Variants in BLM observed in about 807,000 individuals in gnomAD.
BLM encodes BLM RecQ like helicase.
In BLM, 95 loss-of-function variants were observed where a neutral mutation model predicts 135.3. The observed-to-expected ratio is 0.70, with a 90% confidence interval of 0.59 to 0.83. BLM has a LOEUF of 0.83. Ranked by LOEUF, BLM falls within the 40% of genes least tolerant of loss-of-function variation. The probability of loss-of-function intolerance (pLI) is 0.00; values close to 1 mark genes in which losing one functional copy is unlikely to be tolerated. For synonymous variants in BLM, 520 were observed against 589.2 expected, an observed-to-expected ratio of 0.88 and a Z score of 1.70; for missense variants, 1,518 against 1,663.9, an observed-to-expected ratio of 0.91 and a Z score of 1.53.
At position 90,734,673 on chromosome 15, in the gene BLM, A is replaced by ACG. The variant is rs372269590; in HGVS notation, c.-4-12714_-4-12713dup. ...CACATACACACACACGCGCGCACGC[A>ACG]CGCACACACACACACACACACGCAG... is the stretch of plus-strand genomic sequence containing the variant. On this transcript the variant is annotated intron_variant, in intron 1 of 21. Transcript: ENST00000355112. Among the ~76,000 whole-genome samples the ACG allele has an allele frequency of 9.7e-3, 1,297 of 133,504 alleles. 17 individuals carry two copies. The highest frequency in any genetic ancestry group is 0.04 in the African/African-American group (1,242 of 31,060). 87.6% of individuals were successfully genotyped at this position (133,504 alleles called of 152,430 possible). A position where few individuals can be genotyped will look rare whatever the true frequency, so the allele number is the denominator to read the frequency against.
Position 90,760,644 on chromosome 15 carries a change from T to C in BLM, c.1271T>C (p.Leu424Pro). ...VDFNKSDASLLGSLWRYRPDS... is the reference protein window; with the variant it reads ...VDFNKSDASLPGSLWRYRPDS... ...TTTAATAAAAGTGATGCCAGTCTTC[T>C]TGGCTCATTGTGGAGATACAGGCCT... The change falls in exon 7 of 22, where the codon CTT becomes CCT. Residue 424 changes from leucine (L) to proline (P), a missense_variant. This residue lies in a region of BLM where 724 missense variants were observed against 756.9 expected (regional missense o/e 0.96). Coordinates refer to ENST00000355112, the MANE Select transcript of BLM (RefSeq NM_000057.4). 1 of 1,613,202 alleles carries C rather than the reference T, an allele frequency of 6.2e-7. No homozygotes were observed. Among genetic ancestry groups the C allele is most frequent in the Non-Finnish European group, 8.5e-7 (1 of 1,179,288 alleles).
At chr15:90,743,265 C>T (rs1895416658) in intron 1 of BLM, among the ~76,000 whole-genome samples, 1 of 151,914 alleles carries the variant, frequency 6.6e-6, no homozygotes, top group Non-Finnish European at 1.5e-5. Context: ...AGGCGTGAGC[C>T]ACCGCTCCTG....
At chr15:90,757,310 C>T (rs1265643883) in intron 5 of BLM, among the ~76,000 whole-genome samples, 2 of 152,164 alleles carry the variant, frequency 1.3e-5, no homozygotes, top group African/African-American at 2.4e-5. Context: ...GTGTCAGTGA[C>T]AGGGGCTCTG....
chr15:90,722,894 G>A (rs1331440250), intron 1 of BLM, among the ~76,000 whole-genome samples: 2 of 152,132 alleles, frequency 1.3e-5, no homozygotes, highest in Non-Finnish European at 2.9e-5. Context: ...ATTCTGGAGT[G>A]CAGTGGCGCG....
intron 9 of BLM, among the ~76,000 whole-genome samples, chr15:90,766,123 A>G (rs1896119987): frequency 6.6e-6 from 1 of 152,196 alleles, no homozygotes; most frequent in African/African-American, 2.4e-5. Context: ...ATTGTGATTA[A>G]AAAGAACTGT....
chr15:90,730,470 G>A lies in BLM; in HGVS notation c.-5+13030G>A, dbSNP rs185252328. Among the ~76,000 whole-genome samples, 28 of 152,030 alleles carry A rather than the reference G, an allele frequency of 1.8e-4. No homozygotes were observed. The East Asian group carries it at 5.2e-3, about 28-fold the overall frequency. On this transcript the variant is annotated intron_variant, in intron 1 of 21. Transcript: ENST00000355112. Reference sequence around the variant, plus strand: ...GTTTTTTTTTGTTGTTTATTTTTGAGGTGGAGTCTTGCTCTGCCACCCAGG... The same window carrying A: ...GTTTTTTTTTGTTGTTTATTTTTGAAGTGGAGTCTTGCTCTGCCACCCAGG...
At chr15:90,732,183 T>C (rs1429742396) in intron 1 of BLM, among the ~76,000 whole-genome samples, 3 of 152,368 alleles carry the variant, frequency 2.0e-5, no homozygotes, top group South Asian at 2.1e-4. Context: ...GATATCTTAC[T>C]TGACTGATGG....
At chr15:90,789,801 C>T (rs771054038) in intron 14 of BLM, among the ~76,000 whole-genome samples, 1 of 151,936 alleles carries the variant, frequency 6.6e-6, no homozygotes, top group Non-Finnish European at 1.5e-5. Flanking sequence ...TAAAAAAAAA[C>T]TTGCAGTTTT....
chr15:90,773,299 A>T (rs1555421395), intron 12 of BLM, among the ~76,000 whole-genome samples: 1 of 151,716 alleles, frequency 6.6e-6, no homozygotes, highest in Non-Finnish European at 1.5e-5. Flanking sequence ...GGGCGCCTGT[A>T]ATACCAGCTA....
At chr15:90,757,567 T>C (rs1895851105) in intron 5 of BLM, among the ~76,000 whole-genome samples, 1 of 152,158 alleles carries the variant, frequency 6.6e-6, no homozygotes, top group African/African-American at 2.4e-5. Flanking sequence ...TTTCTCTCAG[T>C]CACCAGAAGT....
At position 90,721,655 on chromosome 15, in the gene BLM, G is replaced by A. The variant is rs1167024695; in HGVS notation, c.-5+4215G>A. On this transcript the variant is annotated intron_variant, in intron 1 of 21. Coordinates refer to ENST00000355112, the MANE Select transcript of BLM (RefSeq NM_000057.4). ...TCTTTTAAAAATATTTTTATTGGCC[G>A]GGCACAGTGGCTCGCGCCTGTAATC... Among the ~76,000 whole-genome samples, 3 of 151,822 alleles carry A rather than the reference G, an allele frequency of 2.0e-5. 1 individual carries two copies. Among genetic ancestry groups the A allele is most frequent in the South Asian group, 4.2e-4 (2 of 4,814 alleles).
Position 90,749,678 on chromosome 15 carries a change from AG to A in BLM, c.411del (p.Lys138AsnfsTer2). ...TVKKSRDTAL[K>X]KLEFSSSPDS... ...AAGAAATCCCGGGATACTGCTCTCAAGAAATTAGAATTTAGTTCTTCACCAG... is the reference window on the plus strand; with the variant it reads ...AAGAAATCCCGGGATACTGCTCTCAAAAATTAGAATTTAGTTCTTCACCAG... On this transcript the variant is annotated frameshift_variant, in exon 3 of 22. Transcript: ENST00000355112. LOFTEE classifies it high-confidence loss of function. The A allele has an allele frequency of 6.2e-7, 1 of 1,614,194 alleles. No individual in the cohort carries two copies. The highest frequency in any genetic ancestry group is 8.5e-7 in the Non-Finnish European group (1 of 1,180,032).
chr15:90,766,304 C>G (rs1049077699), intron 9 of BLM, among the ~76,000 whole-genome samples: 2 of 151,910 alleles, frequency 1.3e-5, no homozygotes, highest in Admixed American at 1.3e-4. Flanking sequence ...AAAAAAGATG[C>G]CATACAGTAG....
chr15:90,751,709 T>G, intron 3 of BLM, 78 bp from the exon 4 acceptor site: 1 of 1,296,292 alleles, frequency 7.7e-7, no homozygotes, highest in South Asian at 1.2e-5. Flanking sequence ...GAAGCACTCA[T>G]TCTTAATCGC....
intron 12 of BLM, among the ~76,000 whole-genome samples, chr15:90,779,391 A>G (rs918214903): frequency 1.3e-5 from 2 of 152,208 alleles, no homozygotes; most frequent in African/African-American, 2.4e-5. Context: ...GGAAAAAGCA[A>G]TAAGGCCATT....
chr15:90,743,555 G>A (rs1012649130), intron 1 of BLM, among the ~76,000 whole-genome samples: 1 of 151,192 alleles, frequency 6.6e-6, no homozygotes, highest in Non-Finnish European at 1.5e-5. Flanking sequence ...AAGAGATGGG[G>A]TCTCACAGTG....
At chr15:90,793,947 G>GAA (rs200858224) in intron 15 of BLM, 550 of 289,066 alleles carry the variant, frequency 1.9e-3, no homozygotes, top group Non-Finnish European at 2.5e-3. Context: ...ATGAAGATTT[G>GAA]AAAAAAAAAA....
At chr15:90,803,815 A>G in intron 18 of BLM, 95 bp downstream of exon 18, 1 of 1,267,770 alleles carries the variant, frequency 7.9e-7, no homozygotes, top group Non-Finnish European at 1.1e-6. Context: ...GCTTATAGAT[A>G]CTGAATTTAT....
intron 1 of BLM, among the ~76,000 whole-genome samples, chr15:90,735,236 A>AATATATATATATATATATATATAT (rs60589046): frequency 2.8e-5 from 3 of 108,204 alleles, no homozygotes; most frequent in East Asian, 2.4e-4. Context: ...TGCCTAAGTT[A>AATATATATATATATATATATATAT]ATATATATAT....
Sources: gnomAD v4.1 joint callset for allele counts (sites outside exome capture counted in the v4.1 genomes callset) on GRCh38, gnomAD v4.1.1 for gene constraint, gnomAD v4.1.1 regional missense constraint, MANE v1.5 for transcripts, NCBI Gene and HGNC (gene_info 2026-07-23, HGNC 2026-07-21) for gene names.